Variants in SPON1 observed in about 807,000 individuals in gnomAD.
SPON1 encodes spondin-1.
A neutral mutation model predicts 111.7 loss-of-function variants in SPON1; 52 were observed. The observed-to-expected ratio is 0.47, with a 90% confidence interval of 0.37 to 0.59. The LOEUF (loss-of-function observed/expected upper bound fraction) is 0.59, where lower values mean the gene tolerates loss of function less well. Ranked by LOEUF, SPON1 falls within the 20% of genes least tolerant of loss-of-function variation. The pLI is 0.00. For synonymous variants in SPON1, 410 were observed against 395.8 expected, an observed-to-expected ratio of 1.04 and a Z score of -0.43; for missense variants, 957 against 1,068.5, an observed-to-expected ratio of 0.90 and a Z score of 1.46.
intron 6 of SPON1, among the ~76,000 whole-genome samples, chr11:14,234,596 G>A (rs1848841620): frequency 6.6e-6 from 1 of 152,256 alleles, no homozygotes; most frequent in Non-Finnish European, 1.5e-5. Context: ...CCAGCACACA[G>A]AAGGTCATAG....
intron 6 of SPON1, among the ~76,000 whole-genome samples, chr11:14,204,034 C>T (rs1015342135): frequency 9.9e-5 from 15 of 152,200 alleles, no homozygotes; most frequent in African/African-American, 3.6e-4. Flanking sequence ...AAGGGCCTAT[C>T]TTCGGTGTAA....
chr11:14,079,404 A>G (rs1012075547), intron 4 of SPON1, among the ~76,000 whole-genome samples: 21 of 152,050 alleles, frequency 1.4e-4, no homozygotes, highest in African/African-American at 4.8e-4. Context: ...GTAATTCTTT[A>G]TCTCTCTCCA....
chr11:13,999,743 A>T (rs1591346006), intron 2 of SPON1, among the ~76,000 whole-genome samples: 1 of 152,096 alleles, frequency 6.6e-6, no homozygotes, highest in East Asian at 1.9e-4. Context: ...ACCAAGTAGG[A>T]GTTTGAGTAG....
intron 6 of SPON1, among the ~76,000 whole-genome samples, chr11:14,237,182 G>C (rs536608382): frequency 1.3e-5 from 2 of 152,314 alleles, no homozygotes; most frequent in South Asian, 4.1e-4. Context: ...GCATGAAAAA[G>C]TTACCTTCAG....
At position 14,090,769 on chromosome 11, in the gene SPON1, A is replaced by T. The variant is rs552970749; in HGVS notation, c.676+10748A>T. On this transcript the variant is annotated intron_variant, in intron 5 of 15. Coordinates refer to ENST00000576479, the MANE Select transcript of SPON1 (RefSeq NM_006108.4). The stretch of plus-strand genomic sequence containing the variant: ...AAGAACAAAGCTTCCACAGTGTGGA[A>T]GGGGACCCGGTTGCCACTGCTGGCT... Among the ~76,000 whole-genome samples the T allele has an allele frequency of 1.7e-3, 252 of 144,330 alleles. 4 individuals carry two copies. The highest frequency in any genetic ancestry group is 6.2e-3 in the African/African-American group (231 of 37,420). 94.7% of individuals were successfully genotyped at this position (144,330 alleles called of 152,430 possible). A position where few individuals can be genotyped will look rare whatever the true frequency, so the allele number is the denominator to read the frequency against.
intron 3 of SPON1, among the ~76,000 whole-genome samples, chr11:14,074,060 A>G (rs940712602): frequency 5.9e-5 from 9 of 152,180 alleles, no homozygotes; most frequent in African/African-American, 2.2e-4. Flanking sequence ...TCTGACTAAC[A>G]AAAGGCTTTG....
chr11:14,192,157 A>G (rs187482005), intron 6 of SPON1, among the ~76,000 whole-genome samples: 2 of 152,162 alleles, frequency 1.3e-5, no homozygotes, highest in Non-Finnish European at 2.9e-5. Flanking sequence ...CATGTGTTCA[A>G]TTCTGAAGGA....
chr11:14,001,350 A>G (rs1273046172), intron 2 of SPON1, among the ~76,000 whole-genome samples: 3 of 152,144 alleles, frequency 2.0e-5, no homozygotes, highest in African/African-American at 7.2e-5. Flanking sequence ...AATCAGAGAA[A>G]TCTCCTCCAG....
intron 2 of SPON1, among the ~76,000 whole-genome samples, chr11:14,020,615 G>A (rs1490188025): frequency 6.6e-6 from 1 of 152,206 alleles, no homozygotes; most frequent in Non-Finnish European, 1.5e-5. Flanking sequence ...GTAAGTACGA[G>A]GATGTTGATT....
At chr11:14,243,518 G>A in intron 7 of SPON1, 122 bp downstream of exon 7, 1 of 810,924 alleles carries the variant, frequency 1.2e-6, no homozygotes, top group Non-Finnish European at 2.1e-6. Flanking sequence ...CAGTTAACAA[G>A]CAGGCAAGAT....
At chr11:13,994,883 T>C (rs569578529) in intron 2 of SPON1, among the ~76,000 whole-genome samples, 18 of 152,320 alleles carry the variant, frequency 1.2e-4, no homozygotes, top group Non-Finnish European at 2.4e-4. Flanking sequence ...CTTATGCCAT[T>C]CTGAGAGAGC....
intron 6 of SPON1, among the ~76,000 whole-genome samples, chr11:14,196,767 AG>A (rs1848407306): frequency 6.6e-6 from 1 of 152,222 alleles, no homozygotes; most frequent in Admixed American, 6.5e-5. Flanking sequence ...TCTGAGCTTC[AG>A]GCCAGGCATG....
chr11:14,015,302 T>C (rs1848436776), intron 2 of SPON1, among the ~76,000 whole-genome samples: 1 of 152,198 alleles, frequency 6.6e-6, no homozygotes, highest in South Asian at 2.1e-4. Context: ...TGTTTTCTGC[T>C]TCCAAATGGT....
In SPON1 at chr11:14,247,834, G is replaced by A. The variant is rs1849009447; in HGVS notation, c.890+4438G>A. On this transcript the variant is annotated intron_variant, in intron 7 of 15. Coordinates refer to ENST00000576479, the MANE Select transcript of SPON1 (RefSeq NM_006108.4). ...AAGATGTATTCAAGATTTCCAGTTA[G>A]AGGTGTTAAGTACATGGTTGGCTAG... is the stretch of plus-strand genomic sequence containing the variant. Among the ~76,000 whole-genome samples, 2 of 152,232 alleles carry A rather than the reference G, an allele frequency of 1.3e-5. 1 individual carries two copies. Among genetic ancestry groups the A allele is most frequent in the South Asian group, 4.1e-4 (2 of 4,830 alleles).
chr11:14,087,740 G>A (rs946180312), intron 5 of SPON1, among the ~76,000 whole-genome samples: 24 of 152,158 alleles, frequency 1.6e-4, no homozygotes, highest in Non-Finnish European at 3.2e-4. Context: ...ACAGTGGGGT[G>A]TTAAAATTTC....
At chr11:14,176,974 A>G (rs191620740) in intron 6 of SPON1, among the ~76,000 whole-genome samples, 1 of 152,292 alleles carries the variant, frequency 6.6e-6, no homozygotes, top group Non-Finnish European at 1.5e-5. Flanking sequence ...GCTGCACAGG[A>G]GACTGGAGTT....
At chr11:14,168,883 T>G (rs1848064805) in intron 6 of SPON1, among the ~76,000 whole-genome samples, 1 of 152,368 alleles carries the variant, frequency 6.6e-6, no homozygotes, top group East Asian at 1.9e-4. Context: ...TGCCACATTT[T>G]CTTAATCCAG....
At position 14,262,869 on chromosome 11, in the gene SPON1, A is replaced by C; in HGVS notation, c.2154A>C (p.Arg718=). The change falls in exon 15 of 16, where the codon CGA becomes CGC. Residue 718 remains arginine, a synonymous_variant. Coordinates refer to ENST00000576479, the MANE Select transcript of SPON1 (RefSeq NM_006108.4). ...ETVQRKKCRI[R]KCLRNPSIQK... ...TGCAGCGAAAAAAGTGCCGCATCCGAAAATGCCTTCGAAATCCATCCATCC... is the reference window on the plus strand; with the variant it reads ...TGCAGCGAAAAAAGTGCCGCATCCGCAAATGCCTTCGAAATCCATCCATCC... The C allele has an allele frequency of 1.2e-6, 2 of 1,613,906 alleles. No individual in the cohort carries two copies. Among genetic ancestry groups the C allele is most frequent in the Middle Eastern group, 1.6e-4 (1 of 6,062 alleles).
chr11:14,147,314 G>A (rs1185864750), intron 6 of SPON1, among the ~76,000 whole-genome samples: 2 of 150,370 alleles, frequency 1.3e-5, no homozygotes, highest in East Asian at 2.0e-4. Flanking sequence ...GATTACAGGC[G>A]TGAGTCACTG....
Sources: gnomAD v4.1 joint callset for allele counts (sites outside exome capture counted in the v4.1 genomes callset) on GRCh38, gnomAD v4.1.1 for gene constraint, MANE v1.5 for transcripts, NCBI Gene and HGNC (gene_info 2026-07-23, HGNC 2026-07-21) for gene names.